Variants in ITGB5 observed in about 807,000 individuals in gnomAD.
ITGB5 encodes the protein integrin beta-5.
In ITGB5, 38 loss-of-function variants were observed where a neutral mutation model predicts 84.8. The observed-to-expected ratio is 0.45, with a 90% CI of 0.35 to 0.59. ITGB5 has a LOEUF of 0.59. ITGB5 is among the 20% of genes least tolerant of loss of function. The pLI, the probability that ITGB5 is intolerant of heterozygous loss-of-function variation, is 0.01. For synonymous variants in ITGB5, 393 were observed against 414.4 expected, an observed-to-expected ratio of 0.95 and a Z score of 0.63; for missense variants, 905 against 1,034.5, an observed-to-expected ratio of 0.87 and a Z score of 1.72.
intron 8 of ITGB5, among the ~76,000 whole-genome samples, chr3:124,814,456 G>C (rs558267106): frequency 6.7e-6 from 1 of 148,430 alleles, no homozygotes; most frequent in Admixed American, 6.8e-5. Context: ...TGTCAATAAG[G>C]CTTTACAATT....
At chr3:124,852,312 G>C (rs1463889478) in intron 3 of ITGB5, among the ~76,000 whole-genome samples, 12 of 151,914 alleles carry the variant, frequency 7.9e-5, no homozygotes, top group Admixed American at 2.6e-4. Flanking sequence ...CTTCTCTCTG[G>C]GGCTGTTCCA....
intron 5 of ITGB5, among the ~76,000 whole-genome samples, chr3:124,829,184 T>C (rs539239406): frequency 6.6e-6 from 1 of 152,378 alleles, no homozygotes; most frequent in East Asian, 1.9e-4. Context: ...ATCTACATTT[T>C]CTAATTTTTT....
intron 8 of ITGB5, 143 bp from the exon 9 acceptor site, chr3:124,809,299 T>C (rs955222792): frequency 9.2e-6 from 7 of 762,830 alleles, no homozygotes; most frequent in African/African-American, 8.7e-5. Context: ...CTTGGTTCCC[T>C]GGCCCTCCCT....
At chr3:124,887,694 G>A (rs1220339456), upstream of ITGB5, 1 of 453,508 alleles carries the variant, frequency 2.2e-6, no homozygotes, top group Non-Finnish European at 4.4e-6. Context: ...CGCTGTATTA[G>A]GCGAGCCGAG....
chr3:124,841,299 G>A, intron 5 of ITGB5, 84 bp downstream of exon 5: 9 of 1,353,686 alleles, frequency 6.6e-6, no homozygotes, highest in Non-Finnish European at 9.2e-6. Context: ...GGCACTCAAA[G>A]ACTCCTGCAG....
chr3:124,830,713 G>A (rs112908391), intron 5 of ITGB5, among the ~76,000 whole-genome samples: 3,890 of 152,316 alleles, frequency 0.026, 143 homozygotes, highest in African/African-American at 0.089. Context: ...GCCGGGCACG[G>A]TGGCTCATGC....
intron 9 of ITGB5, among the ~76,000 whole-genome samples, chr3:124,797,378 ACCCC>A (rs2064246712): frequency 6.6e-6 from 1 of 151,506 alleles, no homozygotes; most frequent in South Asian, 2.1e-4. Context: ...CTCTCCAGAC[ACCCC>A]CGAGTCCCCC....
At chr3:124,836,124 T>C (rs1420066771) in intron 5 of ITGB5, among the ~76,000 whole-genome samples, 2 of 151,836 alleles carry the variant, frequency 1.3e-5, no homozygotes, top group Admixed American at 6.6e-5. Context: ...CTGGCTTCCA[T>C]GGAGGCAGCC....
intron 14 of ITGB5, 30 bp from the exon 15 acceptor site, chr3:124,763,748 G>T: frequency 1.5e-6 from 2 of 1,329,544 alleles, no homozygotes; most frequent in Non-Finnish European, 2.2e-6. Flanking sequence ...AGAGGATGAG[G>T]ACACATGTTA....
intron 5 of ITGB5, among the ~76,000 whole-genome samples, chr3:124,834,996 C>T (rs1043849806): frequency 1.3e-5 from 2 of 152,166 alleles, no homozygotes; most frequent in Non-Finnish European, 2.9e-5. Context: ...GGTATGAAAA[C>T]AGAGCCCCAG....
chr3:124,836,727 A>G (rs1370693776), intron 5 of ITGB5, among the ~76,000 whole-genome samples: 2 of 152,168 alleles, frequency 1.3e-5, no homozygotes, highest in Non-Finnish European at 2.9e-5. Context: ...TCCAACAAGA[A>G]TCACGGCTCC....
chr3:124,828,575 T>C (rs1232163080), intron 5 of ITGB5, among the ~76,000 whole-genome samples: 1 of 152,182 alleles, frequency 6.6e-6, no homozygotes, highest in Non-Finnish European at 1.5e-5. Context: ...GGGTGAAGGA[T>C]ATGTTTGTTA....
intron 2 of ITGB5, among the ~76,000 whole-genome samples, chr3:124,866,179 C>T (rs961306879): frequency 6.6e-5 from 10 of 151,118 alleles, no homozygotes; most frequent in African/African-American, 2.4e-4. Flanking sequence ...GATGGGGTTT[C>T]ACCATGTTGG....
intron 11 of ITGB5, among the ~76,000 whole-genome samples, chr3:124,772,810 C>T (rs764399703): frequency 5.4e-4 from 82 of 151,996 alleles, no homozygotes; most frequent in Non-Finnish European, 9.1e-4. Context: ...GCACAGAGCC[C>T]GTGTTCTATT....
intron 8 of ITGB5, among the ~76,000 whole-genome samples, 181 bp downstream of exon 8, chr3:124,817,440 T>A (rs1032714517): frequency 1.3e-5 from 2 of 151,992 alleles, no homozygotes; most frequent in Non-Finnish European, 2.9e-5. Context: ...CAAGCAAGGA[T>A]GGGTTTCTCC....
intron 1 of ITGB5, among the ~76,000 whole-genome samples, chr3:124,882,427 A>G (rs1934615306): frequency 6.6e-6 from 1 of 152,212 alleles, no homozygotes; most frequent in Non-Finnish European, 1.5e-5. Flanking sequence ...GAGATGCTAG[A>G]AAAAGGGTTG....
intron 12 of ITGB5, among the ~76,000 whole-genome samples, chr3:124,767,398 T>C (rs570081298): frequency 1.3e-5 from 2 of 152,224 alleles, no homozygotes; most frequent in Admixed American, 1.3e-4. Context: ...TGAAAAAAGC[T>C]TGGAAGAAAG....
chr3:124,814,998 T>C (rs2064564655), intron 8 of ITGB5, among the ~76,000 whole-genome samples: 1 of 152,184 alleles, frequency 6.6e-6, no homozygotes, highest in Non-Finnish European at 1.5e-5. Context: ...TCTCCTGGCC[T>C]CTGCCTACCA....
intron 5 of ITGB5, among the ~76,000 whole-genome samples, chr3:124,827,586 T>C (rs932989901): frequency 1.3e-5 from 2 of 152,216 alleles, no homozygotes; most frequent in African/African-American, 2.4e-5. Context: ...CAAATGTTGA[T>C]AAAGATATGT....
Sources: allele counts gnomAD v4.1 joint callset (sites outside exome capture counted in the v4.1 genomes callset), GRCh38; gene constraint gnomAD v4.1.1; transcripts MANE v1.5; gene names NCBI Gene and HGNC (gene_info 2026-07-23, HGNC 2026-07-21).